The following NAV2 variants were observed in gnomAD, a reference collection of about 807,000 sequenced individuals.
NAV2 encodes helicase, APC down-regulated 1.
NAV2 carries 54 observed loss-of-function variants against 223.2 expected under a neutral mutation model. The observed-to-expected ratio is 0.24, with a 90% CI of 0.19 to 0.30. The LOEUF is 0.30. Ranked by LOEUF, NAV2 falls within the 10% of genes least tolerant of loss-of-function variation. NAV2 has a pLI of 1.00. For missense variants in NAV2, 2,806 were observed against 3,147.5 expected (o/e 0.89, Z 2.60); for synonymous variants, 1,279 against 1,239.3 (o/e 1.03, Z -0.67).
intron 1 of NAV2, among the ~76,000 whole-genome samples, chr11:19,537,282 A>G (rs1721296872): frequency 6.6e-6 from 1 of 152,198 alleles, no homozygotes; most frequent in East Asian, 1.9e-4. Flanking sequence ...AACAATAATA[A>G]TAATAACAAC....
upstream of NAV2, chr11:19,350,715 A>G (rs1853258687): frequency 1.8e-6 from 1 of 542,058 alleles, no homozygotes; most frequent in Non-Finnish European, 3.3e-6. Context: ...TAAAACCCCA[A>G]GACTTAGCTC....
At position 19,603,917 on chromosome 11, in the gene NAV2, G is replaced by T. The variant is rs573690034; in HGVS notation, c.76-228567G>T. ...GGAAGGGAGGGAGGGAGCTATAAGGGTTCTGAGGGAAGAGTGTTCTGGGCA... is the reference window on the plus strand; with the variant it reads ...GGAAGGGAGGGAGGGAGCTATAAGGTTTCTGAGGGAAGAGTGTTCTGGGCA... On this transcript the variant is annotated intron_variant, in intron 1 of 37. Transcript: ENST00000360655. Among the ~76,000 whole-genome samples, 68 of 152,268 alleles carry T rather than the reference G, an allele frequency of 4.5e-4. 1 individual carries two copies. The highest frequency in any genetic ancestry group is 6.8e-3 in the Middle Eastern group (2 of 294).
At chr11:19,482,368 A>G (rs2042306458) in intron 1 of NAV2, among the ~76,000 whole-genome samples, 1 of 152,144 alleles carries the variant, frequency 6.6e-6, no homozygotes, top group African/African-American at 2.4e-5. Context: ...GTCTCCTGTT[A>G]CCTGAGCTCT....
intron 1 of NAV2, among the ~76,000 whole-genome samples, chr11:19,820,604 G>T (rs1348730520): frequency 6.6e-6 from 1 of 152,238 alleles, no homozygotes; most frequent in East Asian, 1.9e-4. Context: ...GTGGTGAGAG[G>T]TGGTAGCCGT....
chr11:19,916,615 G>A (rs146932970), intron 6 of NAV2, among the ~76,000 whole-genome samples: 2 of 152,320 alleles, frequency 1.3e-5, no homozygotes, highest in African/African-American at 4.8e-5. Flanking sequence ...TCACATACTG[G>A]AGATAAAGAG....
chr11:19,992,731 G>A (rs549767644), intron 11 of NAV2, among the ~76,000 whole-genome samples: 1 of 151,974 alleles, frequency 6.6e-6, no homozygotes, highest in South Asian at 2.1e-4. Flanking sequence ...GGGATTACAG[G>A]TGCACACCAC....
chr11:20,112,817 G>A (rs1488713070), intron 36 of NAV2, among the ~76,000 whole-genome samples: 2 of 152,226 alleles, frequency 1.3e-5, no homozygotes, highest in African/African-American at 4.8e-5. Flanking sequence ...TAAATGAGGG[G>A]GTGGGGCTAG....
intron 1 of NAV2, among the ~76,000 whole-genome samples, chr11:19,794,373 G>T (rs11025257): frequency 0.36 from 55,036 of 151,966 alleles, 10,653 homozygotes; most frequent in East Asian, 0.66. Context: ...CTCTCTGAGA[G>T]CCTACTCTTA....
intron 11 of NAV2, among the ~76,000 whole-genome samples, chr11:19,989,850 C>A (rs1333345214): frequency 6.6e-6 from 1 of 152,102 alleles, no homozygotes; most frequent in Non-Finnish European, 1.5e-5. Context: ...TCTGATCACC[C>A]CCCAAATCCT....
chr11:19,374,517 C>CT (rs1247640304), intron 1 of NAV2, among the ~76,000 whole-genome samples: 1 of 152,108 alleles, frequency 6.6e-6, no homozygotes, highest in Non-Finnish European at 1.5e-5. Context: ...CACTCACATA[C>CT]TTTAGCAGAA....
chr11:19,476,559 T>TG (rs750154896), intron 1 of NAV2, among the ~76,000 whole-genome samples: 142 of 152,218 alleles, frequency 9.3e-4, no homozygotes, highest in Non-Finnish European at 1.6e-3. Context: ...TAAAAAAAGG[T>TG]GGGGGGCAGT....
chr11:19,893,837 T>C (rs1342442697), intron 6 of NAV2, among the ~76,000 whole-genome samples: 1 of 152,198 alleles, frequency 6.6e-6, no homozygotes, highest in Non-Finnish European at 1.5e-5. Flanking sequence ...CTTGCCCTCT[T>C]CTCTCCCACT....
intron 1 of NAV2, among the ~76,000 whole-genome samples, chr11:19,558,531 T>G (rs948612935): frequency 6.6e-6 from 1 of 152,234 alleles, no homozygotes; most frequent in African/African-American, 2.4e-5. Flanking sequence ...TAGGGGCTTA[T>G]GTACAGGGGA....
At chr11:19,760,065 G>T (rs2054610605) in intron 1 of NAV2, 1 of 153,076 alleles carries the variant, frequency 6.5e-6, no homozygotes, top group Non-Finnish European at 1.5e-5. Flanking sequence ...AAATGGATAG[G>T]ATAACACCTA....
At chr11:19,372,766 C>T (rs73428681) in intron 1 of NAV2, among the ~76,000 whole-genome samples, 6 of 152,172 alleles carry the variant, frequency 3.9e-5, no homozygotes, top group African/African-American at 1.4e-4. Context: ...GCTGTGGAAA[C>T]GAGGTTTCAG....
At chr11:19,923,355 T>C (rs2153230820) in intron 6 of NAV2, among the ~76,000 whole-genome samples, 1 of 152,132 alleles carries the variant, frequency 6.6e-6, no homozygotes, top group African/African-American at 2.4e-5. Context: ...TCAGTGCAAA[T>C]AGGCACATTA....
chr11:19,933,681 G>C lies in NAV2; in HGVS notation c.1437G>C (p.Lys479Asn). The change falls in exon 7 of 38, where the codon AAG (lysine) becomes AAC (asparagine). Residue 479 changes from lysine (K) to asparagine (N), a missense_variant. Lys to Asn is a moderately conservative substitution (Grantham distance 94). This residue lies in a region of NAV2 where 1,167 missense variants were observed against 1,180.5 expected (regional missense o/e 0.99). Coordinates refer to ENST00000349880, the MANE Select transcript of NAV2 (RefSeq NM_145117.5). This position sits in a 1 kb window ranked among gnomAD's most constrained non-coding sequence, Gnocchi z 4.3. ...TTAGCCGGGCACTGACCAACAAGAAGAGTTCTCTGAAAGGCAATGAGAAAG... is the reference window on the plus strand; with the variant it reads ...TTAGCCGGGCACTGACCAACAAGAACAGTTCTCTGAAAGGCAATGAGAAAG... The part of the protein sequence containing the change: ...RTFSRALTNK[K>N]SSLKGNEKEK... 1 of 1,614,178 alleles carries C rather than the reference G, an allele frequency of 6.2e-7. No individual in the cohort carries two copies. The highest frequency in any genetic ancestry group is 8.5e-7 in the Non-Finnish European group (1 of 1,180,040).
At chr11:20,021,464 G>A (rs1361299758) in intron 11 of NAV2, among the ~76,000 whole-genome samples, 1 of 152,172 alleles carries the variant, frequency 6.6e-6, no homozygotes, top group Non-Finnish European at 1.5e-5. Context: ...CCATGTGCCT[G>A]TGTGTCTCCA....
intron 11 of NAV2, among the ~76,000 whole-genome samples, chr11:20,007,363 TGA>T (rs1426606977): frequency 1.3e-5 from 2 of 152,198 alleles, no homozygotes. Context: ...GTTTTGAAAA[TGA>T]GACTCTGTTC....
Sources: allele counts gnomAD v4.1 joint callset (sites outside exome capture counted in the v4.1 genomes callset), GRCh38; gene constraint gnomAD v4.1.1; regional missense constraint gnomAD v4.1.1; non-coding constraint Gnocchi (gnomAD v3.1); transcripts MANE v1.5; gene names NCBI Gene and HGNC (gene_info 2026-07-23, HGNC 2026-07-21).